The following VWA8 variants were observed in gnomAD, a reference collection of about 807,000 sequenced individuals.
VWA8 encodes von Willebrand factor A domain containing 8, also known as von Willebrand factor A domain-containing protein 8.
In VWA8, 221 loss-of-function variants were observed where a neutral mutation model predicts 241.5. The observed-to-expected ratio is 0.91, with a 90% CI of 0.82 to 1.02. The LOEUF (loss-of-function observed/expected upper bound fraction) is 1.02. Among genes scored for constraint, VWA8 ranks in the 50% least tolerant of loss-of-function variants. VWA8 has a pLI of 0.00. For synonymous variants in VWA8, 852 were observed against 827.1 expected (o/e 1.03, Z -0.52); for missense variants, 2,322 against 2,328.7 (o/e 1.00, Z 0.06).
intron 2 of VWA8, among the ~76,000 whole-genome samples, chr13:41,948,194 G>T (rs1877954076): frequency 6.6e-6 from 1 of 152,092 alleles, no homozygotes; most frequent in African/African-American, 2.4e-5. Context: ...ATATAATTTA[G>T]CCATAAAAAG....
intron 20 of VWA8, among the ~76,000 whole-genome samples, chr13:41,769,776 T>C (rs899062861): frequency 1.3e-5 from 2 of 152,108 alleles, no homozygotes; most frequent in Non-Finnish European, 2.9e-5. Context: ...AAAATAAAAA[T>C]TTTTACCTCA....
At chr13:41,907,282 T>C (rs1004150990) in intron 4 of VWA8, among the ~76,000 whole-genome samples, 1 of 152,214 alleles carries the variant, frequency 6.6e-6, no homozygotes, top group Non-Finnish European at 1.5e-5. Flanking sequence ...ATCTCCTTAA[T>C]TCATTTTTTA....
chr13:41,961,104 G>A lies in VWA8; in HGVS notation c.-89C>T. On this transcript the variant is annotated 5_prime_UTR_variant, in exon 1 of 45. Transcript: ENST00000379310. Reference sequence around the variant, plus strand: ...CACCGTGAGGCAGCGCGGAGAAGGGGACAGGAAGCGGCACCTAGCCGAGTC... The same window carrying A: ...CACCGTGAGGCAGCGCGGAGAAGGGAACAGGAAGCGGCACCTAGCCGAGTC... 4.0e-6 allele frequency: 5 copies of A among 1,239,104 alleles called. No homozygotes were observed. The highest frequency in any genetic ancestry group is 3.9e-5 in the South Asian group (2 of 51,116). 76.8% of individuals were successfully genotyped at this position (1,239,104 alleles called of 1,614,324 possible).
intron 1 of VWA8, 86 bp downstream of exon 1, chr13:41,960,767 G>A (rs1015525720): frequency 4.2e-4 from 603 of 1,422,146 alleles, no homozygotes; most frequent in Non-Finnish European, 5.2e-4. Flanking sequence ...GCGCAGCGAA[G>A]CAACAGAGAG....
chr13:41,716,753 G>A (rs1353792190), intron 26 of VWA8, among the ~76,000 whole-genome samples: 1 of 152,000 alleles, frequency 6.6e-6, no homozygotes, highest in Admixed American at 6.6e-5. Context: ...TGTTCATTCA[G>A]GGCAAAAAGA....
At chr13:41,636,508 T>C (rs910085170) in intron 37 of VWA8, among the ~76,000 whole-genome samples, 4 of 152,056 alleles carry the variant, frequency 2.6e-5, no homozygotes, top group African/African-American at 7.2e-5. Context: ...ATTCAGGACA[T>C]AGGCATGCGC....
intron 44 of VWA8, 113 bp downstream of exon 44, chr13:41,570,355 T>C (rs1305300009): frequency 3.2e-5 from 30 of 936,372 alleles, no homozygotes; most frequent in Non-Finnish European, 4.7e-5. Flanking sequence ...TAGTTTCTGT[T>C]TTTCCTCCAT....
chr13:41,678,074 A>G (rs12865000), intron 35 of VWA8, among the ~76,000 whole-genome samples: 11,570 of 152,242 alleles, frequency 0.076, 895 homozygotes, highest in African/African-American at 0.2. Flanking sequence ...ACTTTGAGGC[A>G]TTCACAGTAA....
intron 17 of VWA8, 26 bp from the exon 18 acceptor site, chr13:41,787,569 G>T: frequency 2.7e-6 from 4 of 1,479,258 alleles, no homozygotes; most frequent in South Asian, 2.3e-5. Flanking sequence ...GGAGGAAGGG[G>T]GAAATGGCTT....
Position 41,934,116 on chromosome 13 carries a change from C to CAA in VWA8, c.241+15818_241+15819dup, listed in dbSNP as rs551457747. ...CAGACTATATAAAGAAAAAGCAACTCAAAAAAAAAAAAACCACAAACAGCC... is the reference window on the plus strand; with the variant it reads ...CAGACTATATAAAGAAAAAGCAACTCAAAAAAAAAAAAAAACCACAAACAGCC... On this transcript the variant is annotated intron_variant, in intron 2 of 44. Transcript: ENST00000379310. Among the ~76,000 whole-genome samples, 953 of 122,078 alleles carry CAA rather than the reference C, an allele frequency of 7.8e-3. 11 individuals are homozygous for CAA. The highest frequency in any genetic ancestry group is 0.027 in the African/African-American group (910 of 33,802). 80.1% of individuals were successfully genotyped at this position (122,078 alleles called of 152,430 possible).
At chr13:41,737,213 T>C (rs17534263) in intron 21 of VWA8, among the ~76,000 whole-genome samples, 10,108 of 152,312 alleles carry the variant, frequency 0.066, 448 homozygotes, top group Non-Finnish European at 0.098. Flanking sequence ...CTAACATCAT[T>C]GACTGAGAGA....
chr13:41,684,057 C>G (rs1019431575), intron 35 of VWA8, among the ~76,000 whole-genome samples: 3 of 152,134 alleles, frequency 2.0e-5, no homozygotes, highest in African/African-American at 7.2e-5. Flanking sequence ...TTGTAAACTT[C>G]TACTTTGTGT....
chr13:41,577,641 GA>G (rs931508179), intron 42 of VWA8, among the ~76,000 whole-genome samples: 1 of 152,230 alleles, frequency 6.6e-6, no homozygotes, highest in African/African-American at 2.4e-5. Flanking sequence ...GTCAAGAGGG[GA>G]AAGTTCTCCT....
chr13:41,866,591 T>C (rs1488414299), intron 10 of VWA8, among the ~76,000 whole-genome samples: 3 of 152,092 alleles, frequency 2.0e-5, no homozygotes, highest in Admixed American at 2.0e-4. Flanking sequence ...TTATTACAAA[T>C]CTTCCAAATC....
intron 12 of VWA8, among the ~76,000 whole-genome samples, chr13:41,843,151 T>C (rs1593810860): frequency 6.6e-6 from 1 of 152,184 alleles, no homozygotes; most frequent in East Asian, 1.9e-4. Flanking sequence ...AAAGAAAATG[T>C]TGACAACTAA....
chr13:41,855,385 T>C (rs1872707503), intron 12 of VWA8, among the ~76,000 whole-genome samples: 1 of 145,434 alleles, frequency 6.9e-6, no homozygotes, highest in Non-Finnish European at 1.5e-5. Context: ...ATAAAATATA[T>C]TTATATATAA....
chr13:41,827,297 T>C (rs913011297), intron 14 of VWA8, among the ~76,000 whole-genome samples: 4 of 152,210 alleles, frequency 2.6e-5, no homozygotes, highest in African/African-American at 9.6e-5. Flanking sequence ...GGGATAGAAG[T>C]GTGCATGTGT....
chr13:41,721,518 A>G lies in VWA8; in HGVS notation c.2816T>C (p.Met939Thr). ...DNPKPHSELE[M>T]LRQYGPNVPE... ...CACATTTGGTCCATACTGTCTGAGC[A>G]TCTCGAGCTCCGAGTGGGGTTTGGG... The change falls in exon 25 of 45, where the codon ATG (methionine) becomes ACG (threonine). Residue 939 changes from methionine (M) to threonine (T), a missense_variant. Coordinates refer to ENST00000379310, the MANE Select transcript of VWA8 (RefSeq NM_015058.2). 6.2e-7 allele frequency: 1 copy of G among 1,613,886 alleles called. No individual in the cohort carries two copies. The highest frequency in any genetic ancestry group is 1.1e-5 in the South Asian group (1 of 91,074).
rs1277602075 is a variant in VWA8 at position 41,568,292 on chromosome 13, A to G, written c.5623T>C (p.Leu1875=). Residue 1875 remains leucine, a synonymous_variant, in exon 45 of 45, where the codon TTA becomes CTA. Transcript: ENST00000379310. ...GDQATRLQRT[L]PAGRSFVAMD... is the part of the protein sequence containing the mutation. ...GCAACGAAAGACCGACCAGCTGGTAAAGTTCTCTGAAGCCTGCCAGGATGG... is the reference window on the plus strand; with the variant it reads ...GCAACGAAAGACCGACCAGCTGGTAGAGTTCTCTGAAGCCTGCCAGGATGG... 2 of 1,613,960 alleles carry G rather than the reference A, an allele frequency of 1.2e-6. No homozygotes were observed. Among genetic ancestry groups the G allele is most frequent in the African/African-American group, 1.3e-5 (1 of 74,926 alleles).
Sources: allele counts gnomAD v4.1 joint callset (sites outside exome capture counted in the v4.1 genomes callset), GRCh38; gene constraint gnomAD v4.1.1; transcripts MANE v1.5; gene names NCBI Gene and HGNC (gene_info 2026-07-23, HGNC 2026-07-21).